The following CCNY variants were observed in gnomAD, a reference collection of about 807,000 sequenced individuals.
CCNY encodes the protein cyclin-Y.
Under a neutral mutation model 42.8 loss-of-function variants are expected in CCNY, and 19 were observed. That is an observed-to-expected ratio of 0.44 (90% CI 0.31 to 0.65). The LOEUF (loss-of-function observed/expected upper bound fraction) is 0.65. Among genes scored for constraint, CCNY ranks in the 30% least tolerant of loss-of-function variants. The pLI, the probability that CCNY is intolerant of heterozygous loss-of-function variation, is 0.07. For synonymous variants in CCNY, 165 were observed against 162.7 expected (o/e 1.01, Z -0.11); for missense variants, 370 against 437.3 (o/e 0.85, Z 1.37).
At chr10:35,485,213 C>T (rs2135369946) in intron 2 of CCNY, among the ~76,000 whole-genome samples, 1 of 152,354 alleles carries the variant, frequency 6.6e-6, no homozygotes, top group East Asian at 1.9e-4. Context: ...GGATCTTCCT[C>T]CTATCCCTGC....
chr10:35,448,242 C>G (rs1199608526), intron 1 of CCNY, among the ~76,000 whole-genome samples: 3 of 152,164 alleles, frequency 2.0e-5, no homozygotes, highest in Non-Finnish European at 4.4e-5. Context: ...CTGTTGGACA[C>G]CATCTGGGGC....
At chr10:35,528,478 C>T (rs144365393) in intron 5 of CCNY, among the ~76,000 whole-genome samples, 1,582 of 152,214 alleles carry the variant, frequency 0.01, 24 homozygotes, top group African/African-American at 0.036. Flanking sequence ...CCGAGGCAGG[C>T]GGATCACGAG....
intron 3 of CCNY, among the ~76,000 whole-genome samples, chr10:35,290,311 G>A (rs1835399355): frequency 6.7e-6 from 1 of 149,548 alleles, no homozygotes; most frequent in Non-Finnish European, 1.5e-5. Flanking sequence ...CAGCTACTTG[G>A]GAGGTTGAGG....
rs59534409 is a variant in CCNY, at chr10:35,534,999, ATGTGTGTGTGTGTGTG to A, written c.579+4774_579+4789del. On this transcript the variant is annotated intron_variant, in intron 7 of 9. Coordinates refer to ENST00000374704, the MANE Select transcript of CCNY (RefSeq NM_145012.6). ...CATATATATATATAGATCTATATATATGTGTGTGTGTGTGTGTGTGTGTGTGTGTGTGTATGTATAT... is the reference window on the plus strand; with the variant it reads ...CATATATATATATAGATCTATATATATGTGTGTGTGTGTGTGTATGTATAT... 2.9e-3 allele frequency among the ~76,000 whole-genome samples: 394 copies of A among 133,574 alleles called. 3 individuals carry two copies. Among genetic ancestry groups the A allele is most frequent in the African/African-American group, 0.01 (358 of 35,322 alleles). 87.6% of individuals were successfully genotyped at this position (133,574 alleles called of 152,430 possible).
intron 1 of CCNY, among the ~76,000 whole-genome samples, chr10:35,381,909 T>C (rs1837193739): frequency 6.6e-6 from 1 of 152,236 alleles, no homozygotes; most frequent in Admixed American, 6.5e-5. Flanking sequence ...GTAATATTTT[T>C]GCTTGGTAAG....
At chr10:35,441,385 A>G (rs1324314151) in intron 1 of CCNY, among the ~76,000 whole-genome samples, 1 of 152,212 alleles carries the variant, frequency 6.6e-6, no homozygotes, top group Non-Finnish European at 1.5e-5. Flanking sequence ...TTTCCTATGT[A>G]TCTGCATTGT....
intron 1 of CCNY, among the ~76,000 whole-genome samples, chr10:35,395,121 A>G (rs1837495564): frequency 6.6e-6 from 1 of 152,108 alleles, no homozygotes; most frequent in Admixed American, 6.5e-5. Flanking sequence ...CTTAAAGATG[A>G]CTCAGACAGG....
At chr10:35,547,776 G>A (rs1473961223) in intron 7 of CCNY, among the ~76,000 whole-genome samples, 4 of 152,104 alleles carry the variant, frequency 2.6e-5, no homozygotes, top group South Asian at 4.1e-4. Context: ...ACGCTCTGCC[G>A]GCCCCTGGGC....
At chr10:35,385,071 A>G (rs1277066350) in intron 1 of CCNY, among the ~76,000 whole-genome samples, 1 of 152,162 alleles carries the variant, frequency 6.6e-6, no homozygotes, top group Non-Finnish European at 1.5e-5. Flanking sequence ...GCTTATCTGT[A>G]TTTTATAGTG....
At chr10:35,331,869 C>T (rs1835948261), upstream of CCNY, among the ~76,000 whole-genome samples, 5 of 152,192 alleles carry the variant, frequency 3.3e-5, no homozygotes, top group Non-Finnish European at 7.3e-5. Context: ...CACTCAGTGG[C>T]TGTAATCACT....
At chr10:35,298,212 G>A (rs985708597) in intron 3 of CCNY, among the ~76,000 whole-genome samples, 1 of 152,116 alleles carries the variant, frequency 6.6e-6, no homozygotes, top group African/African-American at 2.4e-5. Flanking sequence ...CCCATTTTAG[G>A]TGCACCTTTC....
chr10:35,282,809 G>A (rs1034525717), intron 3 of CCNY, among the ~76,000 whole-genome samples: 6 of 151,704 alleles, frequency 4.0e-5, no homozygotes, highest in Non-Finnish European at 5.9e-5. Flanking sequence ...TTCTGTACTC[G>A]CAATGAAGAA....
intron 1 of CCNY, among the ~76,000 whole-genome samples, chr10:35,345,205 TTCCTATTTCTCCACA>T (rs1331110815): frequency 1.3e-5 from 2 of 152,216 alleles, no homozygotes; most frequent in Non-Finnish European, 2.9e-5. Flanking sequence ...TGTAAAAATG[TTCCTATTTCTCCACA>T]TCCTCTCCAG....
chr10:35,488,344 C>T (rs560742470), intron 2 of CCNY, among the ~76,000 whole-genome samples: 1 of 152,302 alleles, frequency 6.6e-6, no homozygotes, highest in East Asian at 1.9e-4. Context: ...GTGAAACAAC[C>T]ACCCTTTTTG....
At chr10:35,444,581 T>G (rs1038996055) in intron 1 of CCNY, among the ~76,000 whole-genome samples, 1 of 152,186 alleles carries the variant, frequency 6.6e-6, no homozygotes, top group Admixed American at 6.5e-5. Flanking sequence ...GTAGGTTTGT[T>G]TACACCAGCA....
At chr10:35,535,598 C>T (rs1439054953) in intron 7 of CCNY, among the ~76,000 whole-genome samples, 2 of 152,058 alleles carry the variant, frequency 1.3e-5, no homozygotes, top group Admixed American at 6.5e-5. Flanking sequence ...TGTACAAGGG[C>T]TTTGCACCTG....
chr10:35,508,859 A>G (rs1396256699), intron 3 of CCNY, among the ~76,000 whole-genome samples: 1 of 152,188 alleles, frequency 6.6e-6, no homozygotes, highest in Admixed American at 6.5e-5. Flanking sequence ...TAATTTTAGA[A>G]CATATTCATC....
At chr10:35,278,124 G>T (rs1835259520) in intron 3 of CCNY, among the ~76,000 whole-genome samples, 1 of 152,074 alleles carries the variant, frequency 6.6e-6, no homozygotes, top group Non-Finnish European at 1.5e-5. Flanking sequence ...GAGAAGAGGG[G>T]AAGAGAGTGT....
rs79784030 is a variant in CCNY at position 35,429,459 on chromosome 10, G to A, written c.155-53945G>A. Among the ~76,000 whole-genome samples, 1,395 of 152,260 alleles carry A rather than the reference G, an allele frequency of 9.2e-3. 13 individuals carry two copies. The highest frequency in any genetic ancestry group is 0.017 in the Middle Eastern group (5 of 294). ...CCCATATAAACCATAGCTTTTTGGG[G>A]TCTTCAATAATTTTGAGTTATAAAG... is the stretch of plus-strand genomic sequence containing the variant. On this transcript the variant is annotated intron_variant, in intron 1 of 9. Transcript: ENST00000374704.
Sources: gnomAD v4.1 joint callset for allele counts (sites outside exome capture counted in the v4.1 genomes callset) on GRCh38, gnomAD v4.1.1 for gene constraint, MANE v1.5 for transcripts, NCBI Gene and HGNC (gene_info 2026-07-23, HGNC 2026-07-21) for gene names.